Variants in CCDC102B observed in about 807,000 individuals in gnomAD.
The protein encoded by CCDC102B is coiled-coil domain containing 102B.
In CCDC102B, 75 loss-of-function variants were observed where a neutral mutation model predicts 57.4. That is an observed-to-expected ratio of 1.31 (90% CI 1.08 to 1.58). The LOEUF (loss-of-function observed/expected upper bound fraction) is 1.58, where lower values mean the gene tolerates loss of function less well. Ranked by LOEUF, CCDC102B falls within the 40% of genes most tolerant of loss-of-function variation. The probability of loss-of-function intolerance (pLI) is 0.00; values close to 1 mark genes in which losing one functional copy is unlikely to be tolerated. For missense variants in CCDC102B, 636 were observed against 582.6 expected, an observed-to-expected ratio of 1.09 and a Z score of -0.94; for synonymous variants, 206 against 201.9, an observed-to-expected ratio of 1.02 and a Z score of -0.17.
chr18:68,872,301 A>G (rs1234832870), intron 4 of CCDC102B, among the ~76,000 whole-genome samples: 1 of 152,182 alleles, frequency 6.6e-6, no homozygotes, highest in Non-Finnish European at 1.5e-5. Flanking sequence ...TGCAATTAGT[A>G]CAAATGAGGT....
At chr18:68,753,005 A>T (rs1188432897) in intron 2 of CCDC102B, among the ~76,000 whole-genome samples, 1 of 152,000 alleles carries the variant, frequency 6.6e-6, no homozygotes, top group Non-Finnish European at 1.5e-5. Context: ...TGTTTTTTTT[A>T]TGACTTAACT....
rs2052786164 is a variant in CCDC102B, at chr18:69,054,701, T to C, written c.*564T>C. On this transcript the variant is annotated 3_prime_UTR_variant, in exon 8 of 8. Coordinates refer to ENST00000360242, the MANE Select transcript of CCDC102B (RefSeq NM_024781.3). ...AGTGAGCAGATGAATCAGAAAAAAG[T>C]GTTTTGTATTTTAAAGTAACAGATA... The C allele has an allele frequency of 1.0e-6, 1 of 984,006 alleles. No individual in the cohort carries two copies. Among genetic ancestry groups the C allele is most frequent in the South Asian group, 4.7e-5 (1 of 21,272 alleles). 61.0% of individuals were successfully genotyped at this position (984,006 alleles called of 1,614,324 possible). A position where few individuals can be genotyped will look rare whatever the true frequency, so the allele number is the denominator to read the frequency against.
intron 6 of CCDC102B, among the ~76,000 whole-genome samples, chr18:68,913,656 A>C (rs2040959824): frequency 1.8e-5 from 1 of 56,376 alleles, no homozygotes; most frequent in Non-Finnish European, 3.5e-5. Flanking sequence ...CTCGGTCTCA[A>C]AAGAAAAAAA....
At chr18:68,787,517 G>A (rs1021135708) in intron 2 of CCDC102B, among the ~76,000 whole-genome samples, 10 of 151,250 alleles carry the variant, frequency 6.6e-5, no homozygotes, top group Admixed American at 1.3e-4. Flanking sequence ...CCTGTTATTT[G>A]TCTATTCAGA....
chr18:69,027,282 T>C lies in CCDC102B; in HGVS notation c.1434+16178T>C, dbSNP rs138215506. Among the ~76,000 whole-genome samples, 326 of 152,184 alleles carry C rather than the reference T, an allele frequency of 2.1e-3. 1 individual carries two copies. Among genetic ancestry groups the C allele is most frequent in the African/African-American group, 7.4e-3 (309 of 41,514 alleles). On this transcript the variant is annotated intron_variant, in intron 7 of 7. Transcript: ENST00000360242. ...TTTAGATGACCTCGGTGGGTGATTTTCATATTCATGATCTTACGGCAACTC... is the reference window on the plus strand; with the variant it reads ...TTTAGATGACCTCGGTGGGTGATTTCCATATTCATGATCTTACGGCAACTC...
chr18:68,927,331 C>T (rs1262022890), intron 6 of CCDC102B, among the ~76,000 whole-genome samples: 4 of 151,946 alleles, frequency 2.6e-5, no homozygotes, highest in African/African-American at 7.2e-5. Flanking sequence ...AAGCATTTAT[C>T]CATTTATTCA....
intron 6 of CCDC102B, among the ~76,000 whole-genome samples, chr18:68,974,337 C>T (rs968287620): frequency 2.6e-5 from 4 of 152,064 alleles, no homozygotes; most frequent in Non-Finnish European, 5.9e-5. Context: ...AAGACACACC[C>T]TAACGTGCCA....
rs193075078 is a variant in CCDC102B, at chr18:68,970,733, C to T, written c.1264-40201C>T. Among the ~76,000 whole-genome samples, 577 of 152,046 alleles carry T rather than the reference C, an allele frequency of 3.8e-3. 2 individuals are homozygous for T. The highest frequency in any genetic ancestry group is 6.0e-3 in the Non-Finnish European group (408 of 67,884). ...GTTTTCTGAATGCAATATGCTTTAT[C>T]AATCCTTTTCAAATAACATCGTCTG... On this transcript the variant is annotated intron_variant, in intron 6 of 7. Coordinates refer to ENST00000360242, the MANE Select transcript of CCDC102B (RefSeq NM_024781.3).
intron 2 of CCDC102B, among the ~76,000 whole-genome samples, chr18:68,747,586 T>G (rs2033670837): frequency 6.6e-6 from 1 of 152,142 alleles, no homozygotes; most frequent in Admixed American, 6.6e-5. Flanking sequence ...GTTTGGCTAT[T>G]ATAGACACTT....
At chr18:69,019,239 G>A (rs565634223) in intron 7 of CCDC102B, among the ~76,000 whole-genome samples, 4 of 151,874 alleles carry the variant, frequency 2.6e-5, no homozygotes, top group Admixed American at 2.0e-4. Flanking sequence ...TTCTATTTCT[G>A]TGAAAAATAT....
At chr18:69,015,558 C>T (rs1479404881) in intron 7 of CCDC102B, among the ~76,000 whole-genome samples, 1 of 152,116 alleles carries the variant, frequency 6.6e-6, no homozygotes, top group South Asian at 2.1e-4. Flanking sequence ...TAGTGTTTAA[C>T]TGGAACCATC....
chr18:69,037,385 G>C (rs760501344), intron 7 of CCDC102B, among the ~76,000 whole-genome samples: 1 of 152,012 alleles, frequency 6.6e-6, no homozygotes, highest in Non-Finnish European at 1.5e-5. Flanking sequence ...TTATAATTTA[G>C]CTTTATAAGT....
At chr18:69,042,835 T>C (rs573544491) in intron 7 of CCDC102B, among the ~76,000 whole-genome samples, 92 of 152,140 alleles carry the variant, frequency 6.0e-4, no homozygotes, top group Non-Finnish European at 1.0e-3. Flanking sequence ...TGGCAATGAT[T>C]TGGAAATGCT....
chr18:68,737,369 T>C (rs935244467), intron 2 of CCDC102B, among the ~76,000 whole-genome samples: 1 of 151,990 alleles, frequency 6.6e-6, no homozygotes, highest in African/African-American at 2.4e-5. Flanking sequence ...CACTGCAGGC[T>C]TGGTCCCAAC....
At chr18:68,726,652 G>T (rs2032608386) in intron 2 of CCDC102B, among the ~76,000 whole-genome samples, 1 of 152,190 alleles carries the variant, frequency 6.6e-6, no homozygotes, top group Admixed American at 6.5e-5. Flanking sequence ...ACAACAATGT[G>T]CATTCCTGTA....
chr18:69,039,571 A>G (rs1339521172), intron 7 of CCDC102B, among the ~76,000 whole-genome samples: 1 of 151,912 alleles, frequency 6.6e-6, no homozygotes, highest in East Asian at 1.9e-4. Context: ...TTGTACTATT[A>G]TTAATTATAT....
intron 6 of CCDC102B, among the ~76,000 whole-genome samples, chr18:68,956,961 T>A (rs1159656985): frequency 1.3e-5 from 2 of 151,954 alleles, no homozygotes; most frequent in African/African-American, 4.8e-5. Context: ...AATATGCCAA[T>A]TTTTTAATCA....
intron 1 of CCDC102B, among the ~76,000 whole-genome samples, chr18:68,716,027 C>T (rs2031951519): frequency 6.6e-6 from 1 of 152,132 alleles, no homozygotes; most frequent in Non-Finnish European, 1.5e-5. Flanking sequence ...GAGAGCAAGC[C>T]CTAAATGTCA....
chr18:68,890,718 C>T (rs1197293618), intron 5 of CCDC102B, among the ~76,000 whole-genome samples: 1 of 151,934 alleles, frequency 6.6e-6, no homozygotes, highest in Non-Finnish European at 1.5e-5. Context: ...TCTATTGTGT[C>T]GGCCTTGTTT....
Sources: gnomAD v4.1 joint callset for allele counts (sites outside exome capture counted in the v4.1 genomes callset) on GRCh38, gnomAD v4.1.1 for gene constraint, MANE v1.5 for transcripts, NCBI Gene and HGNC (gene_info 2026-07-23, HGNC 2026-07-21) for gene names.